ATRNL1: variants seen among roughly 807,000 people sequenced by gnomAD.
The protein encoded by ATRNL1 is attractin like 1.
ATRNL1 carries 95 observed loss-of-function variants against 182.7 expected under a neutral mutation model. That is an observed-to-expected ratio of 0.52 (90% CI 0.44 to 0.62). The LOEUF (loss-of-function observed/expected upper bound fraction) is 0.62. Among genes scored for constraint, ATRNL1 ranks in the 20% least tolerant of loss-of-function variants. The probability of loss-of-function intolerance (pLI) is 0.00; values close to 1 mark genes in which losing one functional copy is unlikely to be tolerated. For missense variants in ATRNL1, 1,471 were observed against 1,679.5 expected, an observed-to-expected ratio of 0.88 and a Z score of 2.17; for synonymous variants, 576 against 568.3, an observed-to-expected ratio of 1.01 and a Z score of -0.19.
chr10:115,650,207 G>GCA (rs782450343), intron 26 of ATRNL1, among the ~76,000 whole-genome samples: 31 of 152,018 alleles, frequency 2.0e-4, no homozygotes, highest in Non-Finnish European at 3.1e-4. Context: ...CTTAAGCTGT[G>GCA]CACATGCAGG....
intron 13 of ATRNL1, among the ~76,000 whole-genome samples, chr10:115,270,229 T>TTA (rs1300503943): frequency 4.8e-5 from 7 of 144,890 alleles, no homozygotes; most frequent in Non-Finnish European, 1.0e-4. Flanking sequence ...CATACACAGT[T>TTA]TATATATATA....
intron 8 of ATRNL1, among the ~76,000 whole-genome samples, chr10:115,203,841 C>T (rs1436448136): frequency 2.0e-5 from 3 of 149,456 alleles, no homozygotes; most frequent in African/African-American, 5.0e-5. Context: ...AAGTGATCCT[C>T]CTGTCTTGGC....
intron 27 of ATRNL1, among the ~76,000 whole-genome samples, chr10:115,771,084 C>T (rs1555076262): frequency 3.3e-5 from 5 of 152,020 alleles, no homozygotes. Flanking sequence ...AAAGGATTTG[C>T]TACCATTTAT....
At chr10:115,784,337 A>G (rs1230875847) in intron 27 of ATRNL1, among the ~76,000 whole-genome samples, 3 of 152,210 alleles carry the variant, frequency 2.0e-5, no homozygotes, top group Non-Finnish European at 4.4e-5. Context: ...GTAATCACAT[A>G]TTAAGACATA....
chr10:115,734,544 G>C (rs1947893378), intron 27 of ATRNL1, among the ~76,000 whole-genome samples: 1 of 151,808 alleles, frequency 6.6e-6, no homozygotes, highest in East Asian at 1.9e-4. Flanking sequence ...GAGAAATATT[G>C]TATTAATTCT....
intron 4 of ATRNL1, among the ~76,000 whole-genome samples, 196 bp downstream of exon 4, chr10:115,127,917 TAA>T (rs1202675613): frequency 6.6e-6 from 1 of 152,182 alleles, no homozygotes; most frequent in Non-Finnish European, 1.5e-5. Flanking sequence ...TCTAAACCTA[TAA>T]GTTTGGTTGA....
intron 26 of ATRNL1, among the ~76,000 whole-genome samples, chr10:115,562,068 C>T (rs12766497): frequency 0.16 from 24,901 of 152,028 alleles, 2,561 homozygotes; most frequent in South Asian, 0.24. Flanking sequence ...AAAACTTTTA[C>T]GTTAATGTTT....
chr10:115,559,450 G>GCGCGTGCGCA (rs1554998460), intron 26 of ATRNL1, among the ~76,000 whole-genome samples: 3 of 128,562 alleles, frequency 2.3e-5, no homozygotes, highest in African/African-American at 9.8e-5. Flanking sequence ...GTGTGCGCGC[G>GCGCGTGCGCA]CGCACGCACG....
intron 19 of ATRNL1, among the ~76,000 whole-genome samples, chr10:115,375,906 A>G (rs994724709): frequency 1.4e-4 from 22 of 152,286 alleles, no homozygotes; most frequent in Non-Finnish European, 2.8e-4. Context: ...GAATTTGACT[A>G]TAGATTTACA....
intron 26 of ATRNL1, among the ~76,000 whole-genome samples, chr10:115,717,562 T>TTTTTTTTTG (rs1947293931): frequency 7.1e-6 from 1 of 141,656 alleles, no homozygotes; most frequent in Non-Finnish European, 1.5e-5. Context: ...TTTTTTTTTT[T>TTTTTTTTTG]TTTTTTTGAG....
At chr10:115,775,375 A>T (rs1206088891) in intron 27 of ATRNL1, among the ~76,000 whole-genome samples, 3 of 152,194 alleles carry the variant, frequency 2.0e-5, no homozygotes, top group African/African-American at 7.2e-5. Context: ...TTTATTGTAT[A>T]CAGAGCTTTC....
intron 13 of ATRNL1, among the ~76,000 whole-genome samples, chr10:115,273,525 C>T (rs1266357410): frequency 6.6e-6 from 1 of 152,086 alleles, no homozygotes; most frequent in African/African-American, 2.4e-5. Flanking sequence ...TACATAATTG[C>T]ACATCTGGCC....
intron 21 of ATRNL1, among the ~76,000 whole-genome samples, chr10:115,427,405 T>C (rs2134399145): frequency 6.6e-6 from 1 of 152,248 alleles, no homozygotes; most frequent in South Asian, 2.1e-4. Flanking sequence ...TTACTAGTGG[T>C]AACTTGTCTT....
intron 20 of ATRNL1, among the ~76,000 whole-genome samples, chr10:115,408,197 G>C (rs191579410): frequency 1.3e-5 from 2 of 151,336 alleles, no homozygotes; most frequent in Non-Finnish European, 2.9e-5. Context: ...TAGAGACGGG[G>C]TTTCACCTTG....
At chr10:115,384,803 T>C (rs1554952173) in intron 19 of ATRNL1, among the ~76,000 whole-genome samples, 1 of 152,016 alleles carries the variant, frequency 6.6e-6, no homozygotes, top group East Asian at 1.9e-4. Context: ...TACATAAAAT[T>C]AAATAGAACT....
At chr10:115,402,617 G>T (rs1023883412) in intron 20 of ATRNL1, among the ~76,000 whole-genome samples, 1 of 152,090 alleles carries the variant, frequency 6.6e-6, no homozygotes, top group Admixed American at 6.6e-5. Context: ...TTGATGAGTT[G>T]ATTCAAAATT....
At chr10:115,809,832 GGA>G (rs1950007624) in intron 27 of ATRNL1, among the ~76,000 whole-genome samples, 2 of 151,654 alleles carry the variant, frequency 1.3e-5, no homozygotes, top group African/African-American at 4.8e-5. Flanking sequence ...AGTACACTGT[GGA>G]ATTGAAACGA....
At chr10:115,479,547 A>G (rs1416722001) in intron 24 of ATRNL1, among the ~76,000 whole-genome samples, 3 of 151,458 alleles carry the variant, frequency 2.0e-5, no homozygotes, top group Non-Finnish European at 4.4e-5. Context: ...TAGGTTGCCA[A>G]TCTCTTTAGC....
chr10:115,770,482 A>G (rs537930661), intron 27 of ATRNL1, among the ~76,000 whole-genome samples: 11 of 152,182 alleles, frequency 7.2e-5, no homozygotes, highest in Non-Finnish European at 1.2e-4. Flanking sequence ...TAACTGATTA[A>G]GCTTATTCAA....
Sources: gnomAD v4.1 joint callset for allele counts (sites outside exome capture counted in the v4.1 genomes callset) on GRCh38, gnomAD v4.1.1 for gene constraint, MANE v1.5 for transcripts, NCBI Gene and HGNC (gene_info 2026-07-23, HGNC 2026-07-21) for gene names.